Variants in ZNF407 observed in about 807,000 individuals in gnomAD.
ZNF407 encodes zinc finger protein 407.
ZNF407 carries 17 observed loss-of-function variants against 131.2 expected under a neutral mutation model. The ratio of observed to expected loss-of-function variants is 0.13; its 90% CI spans 0.09 to 0.19. ZNF407 has a LOEUF of 0.19. Ranked by LOEUF, ZNF407 falls within the 10% of genes least tolerant of loss-of-function variation. ZNF407 has a pLI of 1.00. For missense variants in ZNF407, 2,681 were observed against 2,830.6 expected, an observed-to-expected ratio of 0.95 and a Z score of 1.20; for synonymous variants, 1,156 against 1,062.0, an observed-to-expected ratio of 1.09 and a Z score of -1.72.
intron 4 of ZNF407, among the ~76,000 whole-genome samples, chr18:74,845,284 G>A (rs2145136846): frequency 6.6e-6 from 1 of 152,332 alleles, no homozygotes; most frequent in South Asian, 2.1e-4. Context: ...GAATCAACCA[G>A]CGGTGTTTGG....
intron 4 of ZNF407, among the ~76,000 whole-genome samples, chr18:74,807,634 T>C (rs1432334254): frequency 6.6e-6 from 1 of 152,224 alleles, no homozygotes; most frequent in Non-Finnish European, 1.5e-5. Context: ...TTTGTACCAC[T>C]TTAAAATGTA....
At chr18:74,776,330 T>C (rs1447362646) in intron 3 of ZNF407, among the ~76,000 whole-genome samples, 1 of 152,166 alleles carries the variant, frequency 6.6e-6, no homozygotes, top group Admixed American at 6.5e-5. Flanking sequence ...TTATAACTTA[T>C]CCAGTCTCAG....
chr18:75,033,007 G>T (rs1166528247), intron 8 of ZNF407, among the ~76,000 whole-genome samples: 1 of 132,934 alleles, frequency 7.5e-6, no homozygotes, highest in Non-Finnish European at 1.5e-5. Flanking sequence ...AGAGTGCTCG[G>T]AATGGGGGGA....
chr18:75,005,764 G>C (rs910829011), intron 8 of ZNF407, among the ~76,000 whole-genome samples: 4 of 129,508 alleles, frequency 3.1e-5, no homozygotes, highest in African/African-American at 1.2e-4. Context: ...CTCTAAGTGA[G>C]TATCCTTCAG....
chr18:74,744,292 A>G (rs1201271376), intron 3 of ZNF407, among the ~76,000 whole-genome samples: 2 of 152,144 alleles, frequency 1.3e-5, no homozygotes, highest in Admixed American at 1.3e-4. Context: ...TCATGAAGGG[A>G]CGTCCTCTGA....
intron 7 of ZNF407, among the ~76,000 whole-genome samples, chr18:74,895,836 G>A (rs1428480574): frequency 6.6e-6 from 1 of 152,132 alleles, no homozygotes; most frequent in African/African-American, 2.4e-5. Context: ...CTGAGTTAGG[G>A]CGACTCACTC....
intron 8 of ZNF407, among the ~76,000 whole-genome samples, chr18:74,986,567 C>T (rs1411446875): frequency 6.6e-6 from 1 of 152,164 alleles, no homozygotes; most frequent in Non-Finnish European, 1.5e-5. Flanking sequence ...CCATTTTATA[C>T]TTGGCATTCT....
At chr18:74,735,552 G>T (rs534559297) in intron 3 of ZNF407, among the ~76,000 whole-genome samples, 2 of 152,170 alleles carry the variant, frequency 1.3e-5, no homozygotes, top group African/African-American at 2.4e-5. Context: ...AGAGGGTATG[G>T]CCTGTTTACT....
chr18:75,002,426 TC>T (rs1972856315), intron 8 of ZNF407, among the ~76,000 whole-genome samples: 2 of 152,182 alleles, frequency 1.3e-5, no homozygotes, highest in African/African-American at 4.8e-5. Context: ...ACATTTACGT[TC>T]CAGTTCTCAT....
chr18:75,045,341 A>G lies in ZNF407; in HGVS notation c.5429-17809A>G, dbSNP rs895949535. On this transcript the variant is annotated intron_variant, in intron 8 of 8. Coordinates refer to ENST00000299687, the MANE Select transcript of ZNF407 (RefSeq NM_017757.3). ...ACCATTCAATTTGCACTGTTTACATAAGATTATAAGCACTCAACTTGTCTG... is the reference window on the plus strand; with the variant it reads ...ACCATTCAATTTGCACTGTTTACATGAGATTATAAGCACTCAACTTGTCTG... Among the ~76,000 whole-genome samples, 6 of 152,338 alleles carry G rather than the reference A, an allele frequency of 3.9e-5. 1 individual carries two copies. Among genetic ancestry groups the G allele is most frequent in the African/African-American group, 1.4e-4 (6 of 41,570 alleles).
intron 8 of ZNF407, among the ~76,000 whole-genome samples, chr18:75,005,497 T>A (rs1210275600): frequency 2.0e-5 from 3 of 152,260 alleles, no homozygotes; most frequent in East Asian, 3.9e-4. Flanking sequence ...TATATATATA[T>A]AAAATATGCT....
rs759847842 is a variant in ZNF407 at position 74,631,526 on chromosome 18, C to A, written c.507C>A (p.Pro169=). Residue 169 remains proline, a synonymous_variant, in exon 2 of 9, where the codon CCC becomes CCA. Transcript: ENST00000299687. ...ATCTGGAAAGAGAATCTCCTTTCCC[C>A]CCGAAAGAAATTAGTGTTAGTTGTA... The part of the protein sequence containing the change: ...SLDLERESPF[P]PKEISVSCTI... 1.2e-6 allele frequency: 2 copies of A among 1,613,798 alleles called. No individual in the cohort carries two copies. The highest frequency in any genetic ancestry group is 2.2e-5 in the East Asian group (1 of 44,886).
chr18:74,754,260 A>T (rs532721119), intron 3 of ZNF407, among the ~76,000 whole-genome samples: 1 of 152,154 alleles, frequency 6.6e-6, no homozygotes, highest in East Asian at 1.9e-4. Context: ...TAGTCTTGCT[A>T]GCGGTCTATC....
rs146311754 is a variant in ZNF407, at chr18:74,813,086, G to A, written c.4877+31584G>A. ...TACACCTTGCCTGTCTACAGGCCCC[G>A]ATGGTGTGATATGACAAGAAGGATG... is the stretch of plus-strand genomic sequence containing the variant. On this transcript the variant is annotated intron_variant, in intron 4 of 8. Coordinates refer to ENST00000299687, the MANE Select transcript of ZNF407 (RefSeq NM_017757.3). Among the ~76,000 whole-genome samples the A allele has an allele frequency of 2.0e-3, 299 of 152,218 alleles. 2 individuals carry two copies. The highest frequency in any genetic ancestry group is 6.7e-3 in the African/African-American group (277 of 41,538).
At chr18:74,876,765 C>T (rs1320756370) in intron 4 of ZNF407, among the ~76,000 whole-genome samples, 2 of 152,218 alleles carry the variant, frequency 1.3e-5, no homozygotes, top group Non-Finnish European at 2.9e-5. Flanking sequence ...TGCAAGGCCG[C>T]CGGGTGCATG....
chr18:74,775,495 G>A (rs150674599), intron 3 of ZNF407, among the ~76,000 whole-genome samples: 1 of 152,300 alleles, frequency 6.6e-6, no homozygotes, highest in East Asian at 1.9e-4. Flanking sequence ...GGTAATCTGA[G>A]TAGACATTAT....
chr18:74,778,675 G>A (rs1000225438), intron 3 of ZNF407, among the ~76,000 whole-genome samples: 8 of 152,194 alleles, frequency 5.3e-5, no homozygotes, highest in Non-Finnish European at 8.8e-5. Context: ...ACAGAGGAGT[G>A]GCTAGTCAAG....
intron 1 of ZNF407, among the ~76,000 whole-genome samples, chr18:74,627,800 CTCTT>C (rs1284922684): frequency 2.7e-5 from 4 of 148,434 alleles, no homozygotes; most frequent in Admixed American, 2.7e-4. Flanking sequence ...CTCTCTTTCT[CTCTT>C]TCTCTCTTTC....
intron 8 of ZNF407, among the ~76,000 whole-genome samples, chr18:74,957,232 C>A (rs1175444250): frequency 6.6e-6 from 1 of 152,098 alleles, no homozygotes; most frequent in African/African-American, 2.4e-5. Context: ...TGTCGTTCTT[C>A]GCTTTCCCTA....
Sources: gnomAD v4.1 joint callset for allele counts (sites outside exome capture counted in the v4.1 genomes callset) on GRCh38, gnomAD v4.1.1 for gene constraint, MANE v1.5 for transcripts, NCBI Gene and HGNC (gene_info 2026-07-23, HGNC 2026-07-21) for gene names.